DLG2: variants seen among roughly 807,000 people sequenced by gnomAD.
The protein encoded by DLG2 is disks large homolog 2.
Under a neutral mutation model 132.5 loss-of-function variants are expected in DLG2, and 45 were observed. That is an observed-to-expected ratio of 0.34 (90% CI 0.27 to 0.44). The LOEUF is 0.44. Ranked by LOEUF, DLG2 falls within the 20% of genes least tolerant of loss-of-function variation. The probability of loss-of-function intolerance (pLI) is 1.00; values close to 1 mark genes in which losing one functional copy is unlikely to be tolerated. For synonymous variants in DLG2, 424 were observed against 419.6 expected (o/e 1.01, Z -0.13); for missense variants, 1,045 against 1,196.9 (o/e 0.87, Z 1.87).
At chr11:83,876,059 T>A (rs116658621) in intron 15 of DLG2, among the ~76,000 whole-genome samples, 1 of 152,186 alleles carries the variant, frequency 6.6e-6, no homozygotes, top group African/African-American at 2.4e-5. Flanking sequence ...TATTCAGGAC[T>A]TGGACTATGT....
chr11:84,872,339 G>A (rs1270067224), intron 6 of DLG2, among the ~76,000 whole-genome samples: 1 of 152,170 alleles, frequency 6.6e-6, no homozygotes, highest in African/African-American at 2.4e-5. Context: ...CTTGCAAAGG[G>A]ATTCATTCCC....
intron 6 of DLG2, among the ~76,000 whole-genome samples, chr11:84,761,833 A>G (rs2067670123): frequency 6.6e-6 from 1 of 152,116 alleles, no homozygotes; most frequent in Non-Finnish European, 1.5e-5. Flanking sequence ...TGTGTGAGTC[A>G]ATTATAATAA....
intron 10 of DLG2, among the ~76,000 whole-genome samples, chr11:84,072,487 A>G (rs2096772559): frequency 1.3e-5 from 2 of 152,232 alleles, no homozygotes; most frequent in African/African-American, 4.8e-5. Context: ...GGAGTACATA[A>G]CAGGAGAACC....
intron 6 of DLG2, among the ~76,000 whole-genome samples, chr11:85,016,689 C>G (rs950053217): frequency 6.6e-6 from 1 of 152,120 alleles, no homozygotes; most frequent in Non-Finnish European, 1.5e-5. Context: ...TAATCAACTT[C>G]CCCTCTCATT....
intron 3 of DLG2, among the ~76,000 whole-genome samples, chr11:85,466,632 T>C (rs566235351): frequency 1.3e-5 from 2 of 152,348 alleles, no homozygotes; most frequent in South Asian, 2.1e-4. Flanking sequence ...ATATGTGGCA[T>C]TATTTCTGAG....
chr11:83,506,852 G>A (rs539354244), intron 21 of DLG2, among the ~76,000 whole-genome samples: 1 of 152,164 alleles, frequency 6.6e-6, no homozygotes, highest in Non-Finnish European at 1.5e-5. Context: ...ATGAGACTGT[G>A]CATGCACCTT....
rs563509718 is a variant in DLG2 at position 84,960,138 on chromosome 11, G to A, written c.357+151523C>T. Among the ~76,000 whole-genome samples, 3 of 152,290 alleles carry A rather than the reference G, an allele frequency of 2.0e-5. No homozygotes were observed. The South Asian group carries it at 6.2e-4, about 32-fold the overall frequency. ...AGAAAATAGCTTGTCTAAGGACATG[G>A]TGAGTGAGTGGCAAAGTGGGGATTT... On this transcript the variant is annotated intron_variant, in intron 6 of 27. Transcript: ENST00000376104.
At chr11:85,340,202 T>C (rs977201854) in intron 3 of DLG2, among the ~76,000 whole-genome samples, 7 of 152,198 alleles carry the variant, frequency 4.6e-5, no homozygotes, top group African/African-American at 1.7e-4. Flanking sequence ...ATGTTTATTG[T>C]GGCACTATTC....
intron 8 of DLG2, among the ~76,000 whole-genome samples, chr11:84,215,168 G>A (rs11233951): frequency 0.082 from 12,457 of 152,166 alleles, 1,590 homozygotes; most frequent in African/African-American, 0.28. Flanking sequence ...ACATAGGTCC[G>A]AAACACGTCA....
At chr11:84,258,932 G>C (rs2097516043) in intron 7 of DLG2, among the ~76,000 whole-genome samples, 1 of 152,154 alleles carries the variant, frequency 6.6e-6, no homozygotes. Context: ...ATGGGACAGT[G>C]CTATTTTCCA....
intron 7 of DLG2, among the ~76,000 whole-genome samples, chr11:84,341,829 G>C (rs1308552970): frequency 6.6e-6 from 1 of 152,220 alleles, no homozygotes; most frequent in Non-Finnish European, 1.5e-5. Context: ...ATAATGTCTA[G>C]TGACTGCCTT....
At chr11:84,685,757 G>C (rs1480245546) in intron 6 of DLG2, among the ~76,000 whole-genome samples, 1 of 151,966 alleles carries the variant, frequency 6.6e-6, no homozygotes, top group Non-Finnish European at 1.5e-5. Flanking sequence ...CCAGGCTGGA[G>C]TGCAGTGGCG....
At chr11:84,730,743 T>C (rs1034687949) in intron 6 of DLG2, among the ~76,000 whole-genome samples, 4 of 151,992 alleles carry the variant, frequency 2.6e-5, no homozygotes, top group African/African-American at 7.2e-5. Flanking sequence ...TCTAGCTGCA[T>C]GAACTAAATG....
intron 6 of DLG2, among the ~76,000 whole-genome samples, chr11:84,848,870 C>T (rs371697096): frequency 5.9e-5 from 9 of 152,294 alleles, no homozygotes; most frequent in African/African-American, 2.2e-4. Flanking sequence ...GGTATCCATA[C>T]CCTTATGCGG....
chr11:85,057,941 G>A lies in DLG2; in HGVS notation c.357+53720C>T, dbSNP rs571305321. On this transcript the variant is annotated intron_variant, in intron 6 of 27. Transcript: ENST00000376104. ...TAGCAAACTAAGAACAAAAGGGAAT[G>A]ACTTTAAACTGAAAAACACTTTTGA... 5.3e-5 allele frequency among the ~76,000 whole-genome samples: 8 copies of A among 151,476 alleles called. No individual in the cohort carries two copies. In the South Asian group the frequency reaches 1.0e-3, roughly 20 times the overall value.
chr11:84,807,624 A>G (rs1397738433), intron 6 of DLG2, among the ~76,000 whole-genome samples: 6 of 152,228 alleles, frequency 3.9e-5, no homozygotes, highest in African/African-American at 1.4e-4. Flanking sequence ...TTCACTTTCA[A>G]ATGTAATCGA....
At chr11:84,961,524 C>CTTTGTG (rs1231951400) in intron 6 of DLG2, among the ~76,000 whole-genome samples, 50 of 110,828 alleles carry the variant, frequency 4.5e-4, no homozygotes, top group African/African-American at 1.8e-3. Context: ...AGAATTGTAT[C>CTTTGTG]TTTGTGTGTG....
At chr11:83,574,066 A>C (rs1359630831) in intron 19 of DLG2, among the ~76,000 whole-genome samples, 1 of 152,146 alleles carries the variant, frequency 6.6e-6, no homozygotes, top group Non-Finnish European at 1.5e-5. Flanking sequence ...GCACATAATA[A>C]GCATGTTAGA....
chr11:84,328,661 G>A (rs1012864265), intron 7 of DLG2, among the ~76,000 whole-genome samples: 1 of 152,138 alleles, frequency 6.6e-6, no homozygotes, highest in East Asian at 1.9e-4. Context: ...AAAAAAGTCT[G>A]GGTTAAAAAT....
Sources: gnomAD v4.1 joint callset for allele counts (sites outside exome capture counted in the v4.1 genomes callset) on GRCh38, gnomAD v4.1.1 for gene constraint, MANE v1.5 for transcripts, NCBI Gene and HGNC (gene_info 2026-07-23, HGNC 2026-07-21) for gene names.